Variants in LINGO2 observed in about 807,000 individuals in gnomAD.
LINGO2 encodes leucine rich repeat and Ig domain containing 2, also known as leucine-rich repeat and immunoglobulin-like domain-containing nogo receptor-interacting protein 2.
In LINGO2, 14 loss-of-function variants were observed where a neutral mutation model predicts 30.6. That is an observed-to-expected ratio of 0.46 (90% confidence interval 0.30 to 0.72). The LOEUF (loss-of-function observed/expected upper bound fraction) is 0.72, where lower values mean the gene tolerates loss of function less well. Ranked by LOEUF, LINGO2 falls within the 30% of genes least tolerant of loss-of-function variation. LINGO2 has a pLI of 0.07. For synonymous variants in LINGO2, 317 were observed against 288.5 expected, an observed-to-expected ratio of 1.10 and a Z score of -1.00; for missense variants, 729 against 751.7, an observed-to-expected ratio of 0.97 and a Z score of 0.35.
At chr9:28,728,006 T>C in the LINGO2 span, among the ~76,000 whole-genome samples, 1 of 151,902 alleles carries the variant, frequency 6.6e-6, no homozygotes, top group Non-Finnish European at 1.5e-5. Context: ...AGTAAAGAGG[T>C]AAACTACTAA....
At chr9:28,885,925 C>T in the LINGO2 span, among the ~76,000 whole-genome samples, 5 of 152,060 alleles carry the variant, frequency 3.3e-5, no homozygotes, top group Admixed American at 6.6e-5. Context: ...TTCCTAGAAG[C>T]GCCATTGAAC....
the LINGO2 span, among the ~76,000 whole-genome samples, chr9:29,074,164 C>A: frequency 3.3e-5 from 5 of 151,946 alleles, no homozygotes; most frequent in Admixed American, 6.6e-5. Flanking sequence ...ATGCATAAAT[C>A]TGGGAATAAA....
intron 1 of LINGO2, among the ~76,000 whole-genome samples, chr9:28,607,366 T>C (rs1452257027): frequency 1.3e-5 from 2 of 152,050 alleles, no homozygotes; most frequent in Non-Finnish European, 2.9e-5. Flanking sequence ...TGTTGGAATA[T>C]ACAGGAGTTT....
At chr9:28,878,578 A>G in the LINGO2 span, among the ~76,000 whole-genome samples, 307 of 152,332 alleles carry the variant, frequency 2.0e-3, 6 homozygotes, top group Non-Finnish European at 5.9e-4. Flanking sequence ...TCATTGATGC[A>G]AAAATCCTCA....
the LINGO2 span, among the ~76,000 whole-genome samples, chr9:29,014,910 C>T: frequency 2.6e-5 from 4 of 152,102 alleles, no homozygotes; most frequent in African/African-American, 7.2e-5. Context: ...TTCTGACATA[C>T]ATTATAATAA....
rs545791240 is a variant in LINGO2, at chr9:28,023,343, T to C, written c.-86-10938A>G. 2.6e-5 allele frequency among the ~76,000 whole-genome samples: 4 copies of C among 152,316 alleles called. No homozygotes were observed. The South Asian group carries it at 8.3e-4, about 32-fold the overall frequency. On this transcript the variant is annotated intron_variant, in intron 4 of 5. Coordinates refer to ENST00000379992, the Ensembl canonical transcript of LINGO2. ...TGAACTGTGTTTAATGGTTGCTGTA[T>C]TTGGGTACCCTAATAGAGGAATTAG...
intron 3 of LINGO2, among the ~76,000 whole-genome samples, chr9:28,303,358 G>T (rs557132388): frequency 1.3e-5 from 2 of 152,258 alleles, no homozygotes; most frequent in African/African-American, 4.8e-5. Context: ...GCCTGGGAAT[G>T]AGAGGGGCTT....
At chr9:28,493,015 G>A (rs1164900579) in intron 1 of LINGO2, among the ~76,000 whole-genome samples, 1 of 152,036 alleles carries the variant, frequency 6.6e-6, no homozygotes, top group Non-Finnish European at 1.5e-5. Flanking sequence ...ACAGATGGGG[G>A]CTCATGTTTT....
intron 1 of LINGO2, among the ~76,000 whole-genome samples, chr9:28,615,874 T>C (rs1460025036): frequency 1.3e-5 from 2 of 152,144 alleles, no homozygotes; most frequent in African/African-American, 2.4e-5. Flanking sequence ...CATTGATGGA[T>C]CTTGTAAACA....
chr9:28,347,680 C>T (rs1297289580), intron 3 of LINGO2, among the ~76,000 whole-genome samples: 1 of 152,178 alleles, frequency 6.6e-6, no homozygotes, highest in Non-Finnish European at 1.5e-5. Flanking sequence ...ATCTTAATCT[C>T]CAGACTCCAC....
chr9:28,014,043 G>T (rs549143318), intron 4 of LINGO2, among the ~76,000 whole-genome samples: 11 of 152,300 alleles, frequency 7.2e-5, no homozygotes, highest in African/African-American at 2.4e-4. Flanking sequence ...CTCAAGCCCA[G>T]ATGTCAATCA....
At chr9:28,122,776 C>A (rs569896321) in intron 4 of LINGO2, among the ~76,000 whole-genome samples, 1 of 152,258 alleles carries the variant, frequency 6.6e-6, no homozygotes, top group African/African-American at 2.4e-5. Flanking sequence ...CAATTCATTT[C>A]ATATAAGAGT....
At chr9:28,011,197 C>CA (rs1286564553) in intron 5 of LINGO2, among the ~76,000 whole-genome samples, 1 of 152,058 alleles carries the variant, frequency 6.6e-6, no homozygotes, top group Non-Finnish European at 1.5e-5. Context: ...TTTAAATCAG[C>CA]AGTAAGGAAC....
chr9:28,065,585 A>G (rs1481142596), intron 4 of LINGO2, among the ~76,000 whole-genome samples: 1 of 152,164 alleles, frequency 6.6e-6, no homozygotes, highest in Non-Finnish European at 1.5e-5. Flanking sequence ...AAAAATATGT[A>G]TCTTCTAAAA....
the LINGO2 span, among the ~76,000 whole-genome samples, chr9:28,711,502 A>G: frequency 2.0e-5 from 3 of 152,096 alleles, no homozygotes; most frequent in African/African-American, 7.2e-5. Flanking sequence ...CCTAAGCCCC[A>G]CCACACTCCC....
chr9:28,225,556 T>C (rs1361822258), intron 4 of LINGO2, among the ~76,000 whole-genome samples: 1 of 151,888 alleles, frequency 6.6e-6, no homozygotes, highest in Non-Finnish European at 1.5e-5. Flanking sequence ...AATTTCTTAA[T>C]GAGAGAAAAT....
chr9:28,696,271 C>T, the LINGO2 span, among the ~76,000 whole-genome samples: 1 of 152,028 alleles, frequency 6.6e-6, no homozygotes, highest in South Asian at 2.1e-4. Flanking sequence ...TTTGGGTTCA[C>T]TTTTTAAAGG....
the LINGO2 span, among the ~76,000 whole-genome samples, chr9:29,207,040 C>CAT: frequency 4.0e-5 from 6 of 151,302 alleles, no homozygotes; most frequent in South Asian, 2.1e-4. Context: ...TGTATGTGTA[C>CAT]ATATATATAT....
chr9:29,187,108 A>G, the LINGO2 span, among the ~76,000 whole-genome samples: 2 of 152,156 alleles, frequency 1.3e-5, no homozygotes, highest in Non-Finnish European at 1.5e-5. Flanking sequence ...ATCTGAACCA[A>G]GATTTCTGAG....
Sources: gnomAD v4.1 joint callset for allele counts (sites outside exome capture counted in the v4.1 genomes callset) on GRCh38, gnomAD v4.1.1 for gene constraint, MANE v1.5 for transcripts, NCBI Gene and HGNC (gene_info 2026-07-23, HGNC 2026-07-21) for gene names.